The following ZNF670 variants were observed in gnomAD, a reference collection of about 807,000 sequenced individuals.
ZNF670 encodes zinc finger protein 670.
Under a neutral mutation model 10.9 loss-of-function variants are expected in ZNF670, and 7 were observed. That is an observed-to-expected ratio of 0.64 (90% confidence interval 0.36 to 1.20). The LOEUF (loss-of-function observed/expected upper bound fraction) is 1.20, where lower values mean the gene tolerates loss of function less well. Ranked by LOEUF, ZNF670 falls within the 50% of genes most tolerant of loss-of-function variation. The probability of loss-of-function intolerance (pLI) is 0.02; values close to 1 mark genes in which losing one functional copy is unlikely to be tolerated. For missense variants in ZNF670, 446 were observed against 458.6 expected, an observed-to-expected ratio of 0.97 and a Z score of 0.25; for synonymous variants, 136 against 152.7, an observed-to-expected ratio of 0.89 and a Z score of 0.81.
rs754171979 is a variant in ZNF670 at position 247,039,503 on chromosome 1, A to C, written c.38T>G (p.Phe13Cys). Residue 13 changes from phenylalanine (F) to cysteine (C), a missense_variant, in exon 2 of 4, where the codon TTT (phenylalanine) becomes TGT (cysteine). Coordinates refer to ENST00000366503, the MANE Select transcript of ZNF670 (RefSeq NM_033213.5). Reference sequence around the variant, plus strand: ...CAGCAAAGCCCACTCCTCCTGAGTAAAGGCCACAGCCACATCTTCAAATGA... The same window carrying C: ...CAGCAAAGCCCACTCCTCCTGAGTACAGGCCACAGCCACATCTTCAAATGA... ...SVSFEDVAVA[F>C]TQEEWALLDP... The C allele has an allele frequency of 2.9e-5, 46 of 1,603,840 alleles. No homozygotes were observed. Among genetic ancestry groups the C allele is most frequent in the Non-Finnish European group, 3.8e-5 (45 of 1,175,960 alleles).
chr1:247,072,354 C>A (rs1671138146), intron 1 of ZNF670, among the ~76,000 whole-genome samples: 1 of 140,872 alleles, frequency 7.1e-6, no homozygotes, highest in African/African-American at 2.8e-5. Context: ...AGGGTCTCAT[C>A]ATGTTGCCCA....
intron 1 of ZNF670, among the ~76,000 whole-genome samples, chr1:247,060,868 G>T (rs953503251): frequency 3.3e-5 from 5 of 152,142 alleles, no homozygotes; most frequent in African/African-American, 1.2e-4. Context: ...TTGGCCTTGA[G>T]AAATCATTTT....
chr1:247,071,472 T>C (rs1671112532), intron 1 of ZNF670, among the ~76,000 whole-genome samples: 1 of 152,222 alleles, frequency 6.6e-6, no homozygotes, highest in Non-Finnish European at 1.5e-5. Flanking sequence ...TACTTGAAGA[T>C]GAATGGTGAA....
At chr1:247,066,966 C>A (rs1425077384) in intron 1 of ZNF670, among the ~76,000 whole-genome samples, 1 of 152,132 alleles carries the variant, frequency 6.6e-6, no homozygotes, top group East Asian at 1.9e-4. Flanking sequence ...TCCCACCATT[C>A]CAGATCAAAC....
chr1:247,037,822 G>A lies in ZNF670; in HGVS notation c.797C>T (p.Thr266Ile), dbSNP rs1323188720. ...KECGKAFSRS[T>I]YLGIHERTHT... ...CGTTCTTTCATGTATTCCCAAGTAA[G>A]TGGAACGACTGAAGGCTTTGCCACA... is the stretch of plus-strand genomic sequence containing the variant. The change falls in exon 4 of 4, where the codon ACT (threonine) becomes ATT (isoleucine). Residue 266 changes from threonine to isoleucine, a missense_variant. By Grantham distance (89) the Thr-to-Ile change is moderately conservative. Transcript: ENST00000366503. The A allele has an allele frequency of 6.2e-7, 1 of 1,612,732 alleles. No homozygotes were observed. The highest frequency in any genetic ancestry group is 2.2e-5 in the East Asian group (1 of 44,826).
Position 247,039,441 on chromosome 1 carries a change from G to C in ZNF670, c.100C>G (p.Gln34Glu), listed in dbSNP as rs747204560. The C allele has an allele frequency of 6.2e-7, 1 of 1,604,634 alleles. No homozygotes were observed. Among genetic ancestry groups the C allele is most frequent in the South Asian group, 1.1e-5 (1 of 89,640 alleles). Residue 34 changes from glutamine to glutamate, a missense_variant, in exon 2 of 4, where the codon CAA becomes GAA. Transcript: ENST00000366503. ...SQKNLYRDVM[Q>E]EIFRNLASVG... ...GAAGCCAGGTTCCTGAAGATTTCTTGCATCACATCTCTGTAGAGATTCTTT... is the reference window on the plus strand; with the variant it reads ...GAAGCCAGGTTCCTGAAGATTTCTTCCATCACATCTCTGTAGAGATTCTTT...
chr1:247,065,042 A>G (rs1670950644), intron 1 of ZNF670, among the ~76,000 whole-genome samples: 1 of 152,110 alleles, frequency 6.6e-6, no homozygotes, highest in Non-Finnish European at 1.5e-5. Context: ...TCCTGAGCTC[A>G]AGTGATCCAC....
At chr1:247,044,272 A>G (rs151150824) in intron 1 of ZNF670, among the ~76,000 whole-genome samples, 85 of 152,302 alleles carry the variant, frequency 5.6e-4, no homozygotes, top group African/African-American at 2.0e-3. Context: ...CCAAAAAACA[A>G]AGGCAACATT....
chr1:247,070,078 C>T (rs1385518835), intron 1 of ZNF670, among the ~76,000 whole-genome samples: 1 of 151,882 alleles, frequency 6.6e-6, no homozygotes, highest in Non-Finnish European at 1.5e-5. Context: ...CAAATTGCAT[C>T]CCTGTATCAA....
chr1:247,071,368 G>C (rs1057192034), intron 1 of ZNF670, among the ~76,000 whole-genome samples: 4 of 152,230 alleles, frequency 2.6e-5, no homozygotes, highest in Non-Finnish European at 5.9e-5. Flanking sequence ...AATTAACACA[G>C]TGGCAGAAAA....
chr1:247,038,417 C>T lies in ZNF670; in HGVS notation c.202G>A (p.Val68Ile), dbSNP rs770232737. Residue 68 changes from valine (V) to isoleucine (I), a missense_variant, in exon 4 of 4, where the codon GTA (valine) becomes ATA (isoleucine). Physicochemically the swap from Val to Ile is conservative, Grantham distance 29. Coordinates refer to ENST00000366503, the MANE Select transcript of ZNF670 (RefSeq NM_033213.5). Reference protein sequence around the residue: ...NPGRNLSSHVVERLFEIKEGS... With the variant: ...NPGRNLSSHVIERLFEIKEGS... Reference sequence around the variant, plus strand: ...TCTTTAATTTCAAACAGTCTCTCTACCACATGACTGCTGTAAAAATGATAA... The same window carrying T: ...TCTTTAATTTCAAACAGTCTCTCTATCACATGACTGCTGTAAAAATGATAA... 1 of 1,605,352 alleles carries T rather than the reference C, an allele frequency of 6.2e-7. No homozygotes were observed. The highest frequency in any genetic ancestry group is 8.5e-7 in the Non-Finnish European group (1 of 1,176,354).
chr1:247,060,630 C>T (rs74155751), intron 1 of ZNF670, among the ~76,000 whole-genome samples: 4,082 of 152,154 alleles, frequency 0.027, 190 homozygotes, highest in African/African-American at 0.091. Flanking sequence ...GTACTATCTG[C>T]CCAATTTTTC....
chr1:247,063,911 C>A (rs1670924290), intron 1 of ZNF670, among the ~76,000 whole-genome samples: 1 of 152,190 alleles, frequency 6.6e-6, no homozygotes, highest in Non-Finnish European at 1.5e-5. Context: ...GGAGCAGTGA[C>A]AGGATGCCTG....
At chr1:247,056,588 C>G (rs1027316850) in intron 1 of ZNF670, among the ~76,000 whole-genome samples, 9 of 152,106 alleles carry the variant, frequency 5.9e-5, no homozygotes, top group African/African-American at 2.2e-4. Flanking sequence ...CAAACAACCA[C>G]CTAATAACGC....
At chr1:247,064,567 C>T (rs1427140420) in intron 1 of ZNF670, among the ~76,000 whole-genome samples, 2 of 152,216 alleles carry the variant, frequency 1.3e-5, no homozygotes, top group African/African-American at 4.8e-5. Context: ...TCCTGCACTC[C>T]ACAGGGCCTT....
At position 247,058,788 on chromosome 1, in the gene ZNF670, C is replaced by G. The variant is rs184669612; in HGVS notation, c.4-19251G>C. On this transcript the variant is annotated intron_variant, in intron 1 of 3. Transcript: ENST00000366503. ...GATTGGTAAGTCAGATAAAATGAACCAATCCTTTGAAAAAACCTCCAAAAA... is the reference window on the plus strand; with the variant it reads ...GATTGGTAAGTCAGATAAAATGAACGAATCCTTTGAAAAAACCTCCAAAAA... Among the ~76,000 whole-genome samples the G allele has an allele frequency of 1.7e-4, 26 of 149,330 alleles. No homozygotes were observed. In the East Asian group the frequency reaches 4.7e-3, roughly 27 times the overall value.
At chr1:247,077,807 T>C (rs2103076422) in intron 1 of ZNF670, among the ~76,000 whole-genome samples, 1 of 152,342 alleles carries the variant, frequency 6.6e-6, no homozygotes, top group South Asian at 2.1e-4. Context: ...TGGAGTGTTA[T>C]GTGAAAATAA....
At chr1:247,050,002 T>C (rs1044518314) in intron 1 of ZNF670, among the ~76,000 whole-genome samples, 4 of 152,204 alleles carry the variant, frequency 2.6e-5, no homozygotes, top group Admixed American at 6.5e-5. Context: ...TACACTGCAA[T>C]TGTTGAGTAG....
intron 1 of ZNF670, chr1:247,043,745 C>G: frequency 2.5e-6 from 1 of 406,374 alleles, no homozygotes; most frequent in Non-Finnish European, 4.8e-6. Flanking sequence ...AGCGTTCATC[C>G]TAAAACAGGT....
Sources: gnomAD v4.1 joint callset for allele counts (sites outside exome capture counted in the v4.1 genomes callset) on GRCh38, gnomAD v4.1.1 for gene constraint, MANE v1.5 for transcripts, NCBI Gene and HGNC (gene_info 2026-07-23, HGNC 2026-07-21) for gene names.